The following ADGRF5 variants were observed in gnomAD, a reference collection of about 807,000 sequenced individuals.
ADGRF5 encodes the protein adhesion G protein-coupled receptor F5.
ADGRF5 carries 75 observed loss-of-function variants against 132.3 expected under a neutral mutation model. That is an observed-to-expected ratio of 0.57 (90% CI 0.47 to 0.69). The LOEUF is 0.69. ADGRF5 is among the 30% of genes least tolerant of loss of function. The probability of loss-of-function intolerance (pLI) is 0.00; values close to 1 mark genes in which losing one functional copy is unlikely to be tolerated. For synonymous variants in ADGRF5, 629 were observed against 597.6 expected (o/e 1.05, Z -0.77); for missense variants, 1,516 against 1,630.6 (o/e 0.93, Z 1.21).
chr6:46,954,535 T>G (rs1461049607), intron 1 of ADGRF5, among the ~76,000 whole-genome samples: 1 of 151,984 alleles, frequency 6.6e-6, no homozygotes, highest in East Asian at 1.9e-4. Context: ...TATCCAAAGA[T>G]GTACAGATTT....
chr6:46,863,743 T>G (rs1770056738), intron 14 of ADGRF5, among the ~76,000 whole-genome samples: 1 of 150,708 alleles, frequency 6.6e-6, no homozygotes, highest in Non-Finnish European at 1.5e-5. Context: ...AACATTAAGA[T>G]CTTAACCACT....
intron 3 of ADGRF5, among the ~76,000 whole-genome samples, chr6:46,890,779 A>T (rs1375959658): frequency 1.3e-5 from 2 of 152,234 alleles, no homozygotes; most frequent in Non-Finnish European, 2.9e-5. Context: ...TTTAAAATTT[A>T]CATTCTATCT....
In ADGRF5 at chr6:46,867,070, G is replaced by T; in HGVS notation, c.1689C>A (p.His563Gln). Residue 563 changes from histidine (H) to glutamine (Q), a missense_variant, in exon 13 of 21, where the codon CAC becomes CAA. By Grantham distance (24) the His-to-Gln change is conservative. This residue lies in a region of ADGRF5 where 945 missense variants were observed against 929.4 expected (regional missense o/e 1.02). Transcript: ENST00000283296. ...TGATGTTCAGCTTTAGAGGCAGCGG[G>T]TGAACAATGACGTCTTTGGTTGCAA... ...YSIATKDVIVHPLPLKLNIMV... is the reference protein window; with the variant it reads ...YSIATKDVIVQPLPLKLNIMV... 6.2e-7 allele frequency: 1 copy of T among 1,613,472 alleles called. No homozygotes were observed. The highest frequency in any genetic ancestry group is 1.7e-4 in the Middle Eastern group (1 of 6,060).
At chr6:46,928,891 C>A (rs539564978) in intron 1 of ADGRF5, among the ~76,000 whole-genome samples, 315 of 152,218 alleles carry the variant, frequency 2.1e-3, no homozygotes, top group African/African-American at 7.1e-3. Context: ...TACACTGTTG[C>A]TGGGACTGTA....
chr6:46,854,106 A>C, intron 20 of ADGRF5, 35 bp from the exon 21 acceptor site: 1 of 1,489,236 alleles, frequency 6.7e-7, no homozygotes, highest in East Asian at 2.4e-5. Context: ...CCTTGAAGAC[A>C]AGCCATCATG....
At chr6:46,931,420 G>T (rs1394613023) in intron 1 of ADGRF5, among the ~76,000 whole-genome samples, 3 of 152,120 alleles carry the variant, frequency 2.0e-5, no homozygotes, top group Non-Finnish European at 4.4e-5. Flanking sequence ...CAGCTCTCAG[G>T]GAGCTCCCTC....
chr6:46,884,696 G>A (rs1394250362), intron 4 of ADGRF5, among the ~76,000 whole-genome samples: 4 of 152,296 alleles, frequency 2.6e-5, no homozygotes, highest in Admixed American at 2.6e-4. Flanking sequence ...TAGAGGTGAT[G>A]GTATGGCACT....
At chr6:46,935,024 G>C in intron 1 of ADGRF5, among the ~76,000 whole-genome samples, 1 of 94,902 alleles carries the variant, frequency 1.1e-5, no homozygotes, top group East Asian at 3.3e-4. Flanking sequence ...TTTTTTTTGA[G>C]ACGGAGTCTT....
At chr6:46,915,320 C>G (rs9472904) in intron 1 of ADGRF5, among the ~76,000 whole-genome samples, 4,998 of 139,148 alleles carry the variant, frequency 0.036, 270 homozygotes, top group African/African-American at 0.12. Context: ...TAATAATGGA[C>G]CAATCAGAAC....
At chr6:46,942,694 T>C (rs1344334888) in intron 1 of ADGRF5, among the ~76,000 whole-genome samples, 1 of 152,202 alleles carries the variant, frequency 6.6e-6, no homozygotes, top group Non-Finnish European at 1.5e-5. Context: ...ACACTTTTCA[T>C]TCATAGTCTC....
chr6:46,868,824 A>G, intron 12 of ADGRF5, 59 bp downstream of exon 12: 1 of 1,062,762 alleles, frequency 9.4e-7, no homozygotes, highest in Non-Finnish European at 1.4e-6. Flanking sequence ...GATGGTAACT[A>G]TTATTGCATG....
intron 11 of ADGRF5, chr6:46,869,418 C>T: frequency 4.1e-6 from 4 of 984,650 alleles, no homozygotes; most frequent in Non-Finnish European, 4.8e-6. Context: ...CGCCTTATCC[C>T]ACGCTCCCCT....
At chr6:46,859,560 T>A in intron 16 of ADGRF5, 37 bp from the exon 17 acceptor site, 3 of 1,270,354 alleles carry the variant, frequency 2.4e-6, no homozygotes, top group Non-Finnish European at 3.3e-6. Context: ...ACTAACCAAA[T>A]TCTTTCAATC....
At chr6:46,887,500 G>A (rs1199799568) in intron 4 of ADGRF5, among the ~76,000 whole-genome samples, 1 of 152,138 alleles carries the variant, frequency 6.6e-6, no homozygotes, top group Non-Finnish European at 1.5e-5. Flanking sequence ...GTGGGAAATG[G>A]CATCCAAAAG....
At chr6:46,921,062 G>A (rs186951027) in intron 1 of ADGRF5, among the ~76,000 whole-genome samples, 3 of 152,142 alleles carry the variant, frequency 2.0e-5, no homozygotes, top group Non-Finnish European at 4.4e-5. Context: ...TAAGCAAACC[G>A]CACATCATAG....
At chr6:46,922,254 G>GA (rs1408456227), upstream of ADGRF5, among the ~76,000 whole-genome samples, 5 of 152,176 alleles carry the variant, frequency 3.3e-5, no homozygotes, top group African/African-American at 1.2e-4. Context: ...AGAGAGGAAG[G>GA]AAAATTAAGA....
intron 1 of ADGRF5, among the ~76,000 whole-genome samples, chr6:46,907,257 T>TA (rs1156557316): frequency 6.6e-6 from 1 of 152,212 alleles, no homozygotes; most frequent in Non-Finnish European, 1.5e-5. Flanking sequence ...GACTTGGTTA[T>TA]AAAAAATGTA....
chr6:46,941,900 G>A (rs139874023), intron 1 of ADGRF5, among the ~76,000 whole-genome samples: 15 of 152,112 alleles, frequency 9.9e-5, no homozygotes, highest in Admixed American at 5.9e-4. Flanking sequence ...TTTCTCTTCC[G>A]CTTTATTGAG....
At chr6:46,949,198 T>G (rs1778405713) in intron 1 of ADGRF5, among the ~76,000 whole-genome samples, 1 of 152,210 alleles carries the variant, frequency 6.6e-6, no homozygotes, top group Non-Finnish European at 1.5e-5. Context: ...TATAACTGTT[T>G]CTGTTGAAAG....
Sources: allele counts gnomAD v4.1 joint callset (sites outside exome capture counted in the v4.1 genomes callset), GRCh38; gene constraint gnomAD v4.1.1; regional missense constraint gnomAD v4.1.1; transcripts MANE v1.5; gene names NCBI Gene and HGNC (gene_info 2026-07-23, HGNC 2026-07-21).